Variants in CAMSAP1 observed in about 807,000 individuals in gnomAD.
CAMSAP1 encodes calmodulin regulated spectrin associated protein 1, also known as calmodulin-regulated spectrin-associated protein 1.
A neutral mutation model predicts 143.5 loss-of-function variants in CAMSAP1; 58 were observed. The observed-to-expected ratio is 0.40, with a 90% CI of 0.33 to 0.50. The LOEUF is 0.50. CAMSAP1 is among the 20% of genes least tolerant of loss of function. CAMSAP1 has a pLI of 0.45. For missense variants in CAMSAP1, 1,969 were observed against 2,115.7 expected (o/e 0.93, Z 1.36); for synonymous variants, 945 against 859.3 (o/e 1.10, Z -1.74).
At chr9:135,860,009 A>C (rs1319506754) in intron 5 of CAMSAP1, among the ~76,000 whole-genome samples, 1 of 147,424 alleles carries the variant, frequency 6.8e-6, no homozygotes, top group African/African-American at 2.5e-5. Context: ...GTTCGAGACC[A>C]GCCCAGGCAA....
At chr9:135,873,464 G>A (rs1265664805) in intron 3 of CAMSAP1, among the ~76,000 whole-genome samples, 2 of 151,976 alleles carry the variant, frequency 1.3e-5, no homozygotes, top group East Asian at 3.8e-4. Context: ...AAGGTAAAAG[G>A]AAATTAAGTA....
At chr9:135,858,853 A>T (rs1158379924) in intron 5 of CAMSAP1, among the ~76,000 whole-genome samples, 3 of 152,242 alleles carry the variant, frequency 2.0e-5, no homozygotes, top group African/African-American at 4.8e-5. Context: ...TCTGATGTCC[A>T]AGGACAGGAA....
chr9:135,819,672 T>TAAAA (rs55894826), intron 11 of CAMSAP1, among the ~76,000 whole-genome samples: 15 of 104,624 alleles, frequency 1.4e-4, no homozygotes, highest in African/African-American at 2.0e-4. Flanking sequence ...TGTCTCCACT[T>TAAAA]AAAAAAAAAA....
At position 135,893,027 on chromosome 9, in the gene CAMSAP1, G is replaced by A. The variant is rs371767311; in HGVS notation, c.161-9949C>T. Among the ~76,000 whole-genome samples, 24 of 151,632 alleles carry A rather than the reference G, an allele frequency of 1.6e-4. No individual in the cohort carries two copies. The East Asian group carries it at 4.1e-3, about 26-fold the overall frequency. On this transcript the variant is annotated intron_variant, in intron 1 of 16. Coordinates refer to ENST00000389532, the MANE Select transcript of CAMSAP1 (RefSeq NM_015447.4). ...CTACAAAAAGTTTTAAAAATTAGGCGGGCAAAGTAGAACCTGCCTGTAGTC... is the reference window on the plus strand; with the variant it reads ...CTACAAAAAGTTTTAAAAATTAGGCAGGCAAAGTAGAACCTGCCTGTAGTC...
intron 5 of CAMSAP1, among the ~76,000 whole-genome samples, chr9:135,858,471 A>C (rs1837057019): frequency 1.3e-5 from 2 of 152,142 alleles, no homozygotes; most frequent in Admixed American, 1.3e-4. Flanking sequence ...TCACACTAGC[A>C]AGTCCCACTA....
chr9:135,903,439 C>G (rs1313048738), intron 1 of CAMSAP1, among the ~76,000 whole-genome samples: 1 of 152,252 alleles, frequency 6.6e-6, no homozygotes, highest in Non-Finnish European at 1.5e-5. Context: ...TTGGCTGTGG[C>G]CCCAGGAACG....
chr9:135,905,151 C>T (rs781781909), intron 1 of CAMSAP1, among the ~76,000 whole-genome samples: 27 of 152,114 alleles, frequency 1.8e-4, no homozygotes, highest in Non-Finnish European at 2.9e-4. Flanking sequence ...ACTCAAAAGC[C>T]CATGTTAGTA....
chr9:135,873,136 G>A (rs1407545307), intron 3 of CAMSAP1, among the ~76,000 whole-genome samples: 3 of 152,198 alleles, frequency 2.0e-5, no homozygotes, highest in Non-Finnish European at 4.4e-5. Context: ...TATGTTCCCT[G>A]ACAACAGAAT....
chr9:135,836,101 G>A, intron 7 of CAMSAP1: 1 of 985,416 alleles, frequency 1.0e-6, no homozygotes, highest in Non-Finnish European at 1.2e-6. Flanking sequence ...AAAGAGAGCT[G>A]CCAAAATCCC....
Position 135,822,130 on chromosome 9 carries a change from G to T in CAMSAP1, c.2531C>A (p.Ala844Glu). 1 of 1,612,718 alleles carries T rather than the reference G, an allele frequency of 6.2e-7. No individual in the cohort carries two copies. Among genetic ancestry groups the T allele is most frequent in the Non-Finnish European group, 8.5e-7 (1 of 1,179,830 alleles). Reference sequence around the variant, plus strand: ...CAGAGGGGCTGGGCAGCTCTCAGACGCATCTGGCGTGGTCTTCTGGGAGCT... The same window carrying T: ...CAGAGGGGCTGGGCAGCTCTCAGACTCATCTGGCGTGGTCTTCTGGGAGCT... ...TSSSQKTTPDASESCPAPLTT... is the reference protein window; with the variant it reads ...TSSSQKTTPDESESCPAPLTT... Residue 844 changes from alanine (A) to glutamate (E), a missense_variant, in exon 11 of 17, where the codon GCG (alanine) becomes GAG (glutamate). Physicochemically the swap from Ala to Glu is moderately radical, Grantham distance 107. Transcript: ENST00000389532. This position sits in a 1 kb window ranked among gnomAD's most constrained non-coding sequence, Gnocchi z 6.1.
At position 135,820,699 on chromosome 9, in the gene CAMSAP1, A is replaced by T; in HGVS notation, c.3822+140T>A. 8.8e-7 allele frequency: 1 copy of T among 1,141,070 alleles called. No individual in the cohort carries two copies. The highest frequency in any genetic ancestry group is 1.2e-6 in the Non-Finnish European group (1 of 817,906). The allele number at this position is 1,141,070 out of a possible 1,614,324, so 70.7% of individuals were successfully genotyped here. On this transcript the variant is annotated intron_variant, in intron 11 of 16. Coordinates refer to ENST00000389532, the MANE Select transcript of CAMSAP1 (RefSeq NM_015447.4). The surrounding 1 kb of genome is among the most constrained non-coding windows in gnomAD (Gnocchi z 4.4). ...CCTCGGGACAGAGACTCTGTGGCCC[A>T]CAAAGCTAAACACACACATCCCCTG... is the stretch of plus-strand genomic sequence containing the variant.
Position 135,866,450 on chromosome 9 carries a change from C to G in CAMSAP1, c.666+6G>C, listed in dbSNP as rs1167646982. ...GCATTCCAGAAAAATTAAATTTACCCTTTACCTTTTGATGAGCTGGACTTT... is the reference window on the plus strand; with the variant it reads ...GCATTCCAGAAAAATTAAATTTACCGTTTACCTTTTGATGAGCTGGACTTT... On this transcript the variant is annotated splice_donor_region_variant and intron_variant, in intron 4 of 16. Coordinates refer to ENST00000389532, the MANE Select transcript of CAMSAP1 (RefSeq NM_015447.4). The G allele has an allele frequency of 1.5e-6, 2 of 1,378,212 alleles. No individual in the cohort carries two copies. Among genetic ancestry groups the G allele is most frequent in the Admixed American group, 2.0e-5 (1 of 50,644 alleles). The allele number at this position is 1,378,212 out of a possible 1,614,324, so 85.4% of individuals were successfully genotyped here. A position where few individuals can be genotyped will look rare whatever the true frequency, so the allele number is the denominator to read the frequency against.
chr9:135,861,344 G>C (rs529290858), intron 5 of CAMSAP1, among the ~76,000 whole-genome samples: 2 of 141,622 alleles, frequency 1.4e-5, no homozygotes, highest in Non-Finnish European at 3.0e-5. Context: ...ACAGAGTCTC[G>C]CTCTGTTGCC....
At chr9:135,827,377 C>A in intron 8 of CAMSAP1, 30 bp downstream of exon 8, 2 of 1,459,974 alleles carry the variant, frequency 1.4e-6, no homozygotes, top group South Asian at 1.5e-5. Context: ...AGATGGTGAA[C>A]TGATTCTGAA....
In CAMSAP1 at chr9:135,820,912, A is replaced by G. The variant is rs757945112; in HGVS notation, c.3749T>C (p.Leu1250Pro). Residue 1250 changes from leucine (L) to proline (P), a missense_variant, in exon 11 of 17, where the codon CTG (leucine) becomes CCG (proline). Leu to Pro is a moderately conservative substitution (Grantham distance 98). This residue lies in a region of CAMSAP1 where 1,390 missense variants were observed against 1,420.8 expected (regional missense o/e 0.98). Transcript: ENST00000389532. The surrounding 1 kb of genome is among the most constrained non-coding windows in gnomAD (Gnocchi z 4.4). ...GTCCGCCGAGCCATCGAGGCTTACC[A>G]GCTCCCCATCCTCGTCGGGGGCCTT... is the stretch of plus-strand genomic sequence containing the variant. ...DLKAPDEDGELVSLDGSADLV... is the reference protein window; with the variant it reads ...DLKAPDEDGEPVSLDGSADLV... 40 of 1,613,698 alleles carry G rather than the reference A, an allele frequency of 2.5e-5. No individual in the cohort carries two copies. The East Asian group carries it at 4.9e-4, about 20-fold the overall frequency.
At chr9:135,867,247 A>C (rs963076743) in intron 3 of CAMSAP1, among the ~76,000 whole-genome samples, 3 of 151,754 alleles carry the variant, frequency 2.0e-5, no homozygotes, top group African/African-American at 7.3e-5. Context: ...TGTTTTTAAA[A>C]ATAAAGACAA....
chr9:135,880,457 A>T (rs1426813187), intron 3 of CAMSAP1, among the ~76,000 whole-genome samples: 1 of 152,112 alleles, frequency 6.6e-6, no homozygotes, highest in African/African-American at 2.4e-5. Flanking sequence ...TCCCTACCTC[A>T]CCGCAGGATA....
At chr9:135,904,713 A>T (rs1838718663) in intron 1 of CAMSAP1, among the ~76,000 whole-genome samples, 1 of 152,160 alleles carries the variant, frequency 6.6e-6, no homozygotes, top group African/African-American at 2.4e-5. Context: ...TCACACCTGT[A>T]ATCCCAGCAC....
chr9:135,885,256 G>A (rs1255291961), intron 1 of CAMSAP1, among the ~76,000 whole-genome samples: 1 of 152,146 alleles, frequency 6.6e-6, no homozygotes, highest in Non-Finnish European at 1.5e-5. Flanking sequence ...CAGACACACA[G>A]TCATCCCCAA....
Sources: gnomAD v4.1 joint callset for allele counts (sites outside exome capture counted in the v4.1 genomes callset) on GRCh38, gnomAD v4.1.1 for gene constraint, gnomAD v4.1.1 regional missense constraint, Gnocchi (gnomAD v3.1) non-coding constraint, MANE v1.5 for transcripts, NCBI Gene and HGNC (gene_info 2026-07-23, HGNC 2026-07-21) for gene names.